The following TMC2 variants were observed in gnomAD, a reference collection of about 807,000 sequenced individuals.
TMC2 encodes the protein transmembrane channel-like protein 2.
Under a neutral mutation model 105.9 loss-of-function variants are expected in TMC2, and 102 were observed. That is an observed-to-expected ratio of 0.96 (90% CI 0.82 to 1.14). TMC2 has a LOEUF of 1.14. Among genes scored for constraint, TMC2 ranks in the 50% most tolerant of loss-of-function variants. TMC2 has a pLI of 0.00. For missense variants in TMC2, 1,093 were observed against 1,134.3 expected (o/e 0.96, Z 0.52); for synonymous variants, 402 against 422.8 (o/e 0.95, Z 0.60).
chr20:2,556,675 G>T (rs1001984524), intron 2 of TMC2, among the ~76,000 whole-genome samples: 1 of 152,164 alleles, frequency 6.6e-6, no homozygotes, highest in Admixed American at 6.5e-5. Context: ...GCAGTGCAAG[G>T]TTATAGTGAG....
intron 17 of TMC2, among the ~76,000 whole-genome samples, chr20:2,633,114 C>A (rs2086616361): frequency 6.6e-6 from 1 of 152,174 alleles, no homozygotes; most frequent in African/African-American, 2.4e-5. Context: ...TTAGTAGACA[C>A]CTACTGACTG....
At chr20:2,590,172 T>C (rs80092208) in intron 7 of TMC2, among the ~76,000 whole-genome samples, 1,893 of 152,296 alleles carry the variant, frequency 0.012, 50 homozygotes, top group African/African-American at 0.043. Context: ...AGAATACTTA[T>C]GCATGATTCC....
At chr20:2,566,205 CT>C (rs1267392100) in intron 4 of TMC2, among the ~76,000 whole-genome samples, 1 of 152,196 alleles carries the variant, frequency 6.6e-6, no homozygotes, top group Non-Finnish European at 1.5e-5. Flanking sequence ...ATAATTCTCA[CT>C]TGTAAAATGG....
intron 2 of TMC2, among the ~76,000 whole-genome samples, chr20:2,548,408 G>A (rs1600095890): frequency 1.3e-5 from 2 of 152,330 alleles, no homozygotes; most frequent in East Asian, 1.9e-4. Context: ...GGAGGCCAAG[G>A]CAGGCGGATC....
intron 16 of TMC2, among the ~76,000 whole-genome samples, chr20:2,624,020 G>A (rs766475996): frequency 1.6e-4 from 25 of 152,202 alleles, no homozygotes; most frequent in Non-Finnish European, 2.6e-4. Context: ...ACCAGTGAAG[G>A]CTAAGAGGTT....
At chr20:2,579,838 T>G in intron 6 of TMC2, 112 bp from the exon 7 acceptor site, 1 of 634,258 alleles carries the variant, frequency 1.6e-6, no homozygotes, top group Non-Finnish European at 2.8e-6. Flanking sequence ...GAGATCCAGG[T>G]GTCATTCAAC....
At position 2,629,529 on chromosome 20, in the gene TMC2, T is replaced by TAA. The variant is rs56821075; in HGVS notation, c.2306+5150_2306+5151dup. ...TCTAATTATTGATTTCTTACAGAAG[T>TAA]AAAAAAAAAAAAAAAAAAGTGACCT... On this transcript the variant is annotated intron_variant, in intron 17 of 19. Coordinates refer to ENST00000358864, the MANE Select transcript of TMC2 (RefSeq NM_080751.3). 6.5e-4 allele frequency among the ~76,000 whole-genome samples: 76 copies of TAA among 116,058 alleles called. 6 individuals carry two copies. The highest frequency in any genetic ancestry group is 1.8e-3 in the South Asian group (6 of 3,366). 76.1% of individuals were successfully genotyped at this position (116,058 alleles called of 152,430 possible).
At chr20:2,613,161 C>G (rs2146241036) in intron 13 of TMC2, 33 bp from the exon 14 acceptor site, 6 of 1,600,046 alleles carry the variant, frequency 3.7e-6, no homozygotes, top group Non-Finnish European at 5.1e-6. Flanking sequence ...GGCAAGGTCT[C>G]CAACCACCCC....
At position 2,641,120 on chromosome 20, in the gene TMC2, G is replaced by T. The variant is rs111586863; in HGVS notation, c.2504-14G>T. On this transcript the variant is annotated splice_polypyrimidine_tract_variant and intron_variant, in intron 19 of 19. Coordinates refer to ENST00000358864, the MANE Select transcript of TMC2 (RefSeq NM_080751.3). ...TCTCCCACTTCCTCTTTCTTGTCTT[G>T]GTTCGTTTTCCAGAGACCACTCCTC... 3.1e-6 allele frequency: 5 copies of T among 1,611,816 alleles called. No individual in the cohort carries two copies. In the African/African-American group the frequency reaches 4.0e-5, roughly 13 times the overall value.
chr20:2,554,915 T>TA (rs1289342742), intron 2 of TMC2, among the ~76,000 whole-genome samples: 1 of 152,216 alleles, frequency 6.6e-6, no homozygotes, highest in African/African-American at 2.4e-5. Context: ...TGTTGGATGA[T>TA]ATATTCTATA....
At position 2,613,382 on chromosome 20, in the gene TMC2, T is replaced by G. The variant is rs751440088; in HGVS notation, c.1872+60T>G. 5.6e-6 allele frequency: 9 copies of G among 1,606,882 alleles called. No individual in the cohort carries two copies. The South Asian group carries it at 9.9e-5, about 18-fold the overall frequency. On this transcript the variant is annotated intron_variant, in intron 14 of 19. Transcript: ENST00000358864. ...GAATTTCAACTATCTTCTTTGATAC[T>G]TATAGCCAGATGCATTCTTGGGCAT...
intron 2 of TMC2, among the ~76,000 whole-genome samples, chr20:2,543,042 G>T (rs907012495): frequency 4.1e-4 from 62 of 151,938 alleles, no homozygotes; most frequent in African/African-American, 3.1e-4. Context: ...TTTGAGACCA[G>T]CCTGGCCAAC....
intron 2 of TMC2, among the ~76,000 whole-genome samples, chr20:2,554,080 G>A (rs1310326037): frequency 6.6e-6 from 1 of 151,876 alleles, no homozygotes; most frequent in Non-Finnish European, 1.5e-5. Flanking sequence ...GGAGATGGGG[G>A]TTTCACCATG....
intron 12 of TMC2, among the ~76,000 whole-genome samples, chr20:2,611,142 C>T (rs965411357): frequency 1.3e-5 from 2 of 152,180 alleles, no homozygotes; most frequent in Non-Finnish European, 2.9e-5. Flanking sequence ...ACAGGAGGAG[C>T]TCCAGATCCC....
intron 3 of TMC2, 82 bp from the exon 4 acceptor site, chr20:2,561,776 G>A (rs1032710597): frequency 1.3e-6 from 2 of 1,490,354 alleles, no homozygotes; most frequent in African/African-American, 1.4e-5. Context: ...CATCTTCCAT[G>A]GGCCCCTCCT....
In TMC2 at chr20:2,615,307, C is replaced by G. The variant is rs192383118; in HGVS notation, c.1873-830C>G. Among the ~76,000 whole-genome samples the G allele has an allele frequency of 5.9e-5, 9 of 152,306 alleles. No homozygotes were observed. In the South Asian group the frequency reaches 1.5e-3, roughly 25 times the overall value. ...CTGCACTCCAGCCTGGGCAACAGAG[C>G]GAGACTCCGTCTCAATAAATAAACA... On this transcript the variant is annotated intron_variant, in intron 14 of 19. Transcript: ENST00000358864.
chr20:2,590,079 GA>G (rs2086258763), intron 7 of TMC2, among the ~76,000 whole-genome samples: 1 of 152,120 alleles, frequency 6.6e-6, no homozygotes, highest in Admixed American at 6.5e-5. Flanking sequence ...ACGTAACAGT[GA>G]AAATTAGAGA....
chr20:2,619,860 C>A (rs1394303579), intron 16 of TMC2, among the ~76,000 whole-genome samples: 1 of 152,078 alleles, frequency 6.6e-6, no homozygotes, highest in Non-Finnish European at 1.5e-5. Flanking sequence ...TCAGCAGGGA[C>A]AATTATACTA....
chr20:2,551,404 T>A (rs983855652), intron 2 of TMC2, among the ~76,000 whole-genome samples: 1 of 151,740 alleles, frequency 6.6e-6, no homozygotes, highest in Non-Finnish European at 1.5e-5. Flanking sequence ...TTTGTGGGTT[T>A]TTTTTTTTAA....
Sources: allele counts gnomAD v4.1 joint callset (sites outside exome capture counted in the v4.1 genomes callset), GRCh38; gene constraint gnomAD v4.1.1; transcripts MANE v1.5; gene names NCBI Gene and HGNC (gene_info 2026-07-23, HGNC 2026-07-21).